The following TENM2 variants were observed in gnomAD, a reference collection of about 807,000 sequenced individuals.
TENM2 encodes the protein teneurin-2.
TENM2 carries 52 observed loss-of-function variants against 245.2 expected under a neutral mutation model. That is an observed-to-expected ratio of 0.21 (90% confidence interval 0.17 to 0.27). The LOEUF (loss-of-function observed/expected upper bound fraction) is 0.27. TENM2 is among the 10% of genes least tolerant of loss of function. TENM2 has a pLI of 1.00. For synonymous variants in TENM2, 1,363 were observed against 1,438.9 expected (o/e 0.95, Z 1.19); for missense variants, 3,046 against 3,666.8 (o/e 0.83, Z 4.37).
chr5:167,956,143 G>A (rs952615398), intron 4 of TENM2, among the ~76,000 whole-genome samples: 17 of 151,798 alleles, frequency 1.1e-4, no homozygotes, highest in African/African-American at 3.4e-4. Context: ...CTCTCATTTC[G>A]TTGAGCAGTG....
chr5:167,232,663 G>A, the TENM2 span, among the ~76,000 whole-genome samples: 4,472 of 152,246 alleles, frequency 0.029, 90 homozygotes, highest in Non-Finnish European at 0.049. Context: ...GAGCCACCAC[G>A]CCCAGCCTAA....
intron 5 of TENM2, among the ~76,000 whole-genome samples, chr5:168,034,137 ATACATATATATGTGTATATATATATG>A (rs1158173823): frequency 2.9e-4 from 29 of 101,072 alleles, no homozygotes; most frequent in African/African-American, 9.7e-4. Context: ...ATATATATGT[ATACATATATATGTGTATATATATATG>A]TATATATATA....
At chr5:168,003,461 ATAGAG>A (rs1784571424) in intron 5 of TENM2, among the ~76,000 whole-genome samples, 1 of 152,190 alleles carries the variant, frequency 6.6e-6, no homozygotes, top group African/African-American at 2.4e-5. Context: ...GATGCTGAGA[ATAGAG>A]TAATTAGAAG....
chr5:167,175,291 C>T, the TENM2 span, among the ~76,000 whole-genome samples: 2 of 152,204 alleles, frequency 1.3e-5, no homozygotes, highest in Non-Finnish European at 2.9e-5. Flanking sequence ...GTTAACAGCA[C>T]AGATGTTATA....
chr5:167,088,742 C>T, the TENM2 span, among the ~76,000 whole-genome samples: 8 of 152,034 alleles, frequency 5.3e-5, no homozygotes, highest in Non-Finnish European at 8.8e-5. Flanking sequence ...TAACTACTGC[C>T]GTTTATTTAG....
chr5:167,723,820 G>A (rs1759804549), intron 2 of TENM2, among the ~76,000 whole-genome samples: 1 of 152,122 alleles, frequency 6.6e-6, no homozygotes, highest in African/African-American at 2.4e-5. Flanking sequence ...ATGAATGAAC[G>A]AAAGCAGGCA....
intron 2 of TENM2, among the ~76,000 whole-genome samples, chr5:167,830,700 C>G (rs532591036): frequency 6.6e-6 from 1 of 152,236 alleles, no homozygotes; most frequent in African/African-American, 2.4e-5. Context: ...CCTAGAGAAG[C>G]AGTTAAGAAA....
intron 2 of TENM2, among the ~76,000 whole-genome samples, chr5:167,538,298 G>A (rs1771980907): frequency 6.6e-6 from 1 of 152,218 alleles, no homozygotes; most frequent in Non-Finnish European, 1.5e-5. Flanking sequence ...ATGAGGTTCA[G>A]AATTCAGCTG....
At chr5:167,687,988 A>G (rs1156859025) in intron 2 of TENM2, among the ~76,000 whole-genome samples, 2 of 152,204 alleles carry the variant, frequency 1.3e-5, no homozygotes, top group African/African-American at 4.8e-5. Flanking sequence ...AGCGGTATTT[A>G]TTAACAGTTA....
chr5:167,909,246 G>A (rs187878535), intron 3 of TENM2, among the ~76,000 whole-genome samples: 1 of 152,216 alleles, frequency 6.6e-6, no homozygotes, highest in Admixed American at 6.5e-5. Flanking sequence ...CGAGTTTACA[G>A]TTGGACTTTT....
rs748518719 is a variant in TENM2 at position 168,247,928 on chromosome 5, C to T, written c.6989C>T (p.Thr2330Met). 2.2e-5 allele frequency: 35 copies of T among 1,613,824 alleles called. No homozygotes were observed. Among genetic ancestry groups the T allele is most frequent in the African/African-American group, 1.5e-4 (11 of 74,888 alleles). ...TTCTACTCTGACCTCCACAACCCGA[C>T]GCGCATCACCCATGTCTACAATCAC... is the stretch of plus-strand genomic sequence containing the variant. The change falls in exon 27 of 29, where the codon ACG (threonine) becomes ATG (methionine). Residue 2330 changes from threonine (T) to methionine (M), a missense_variant. Thr to Met is a moderately conservative substitution (Grantham distance 81). This residue lies in a region of TENM2 where 2,704 missense variants were observed against 3,331.9 expected (regional missense o/e 0.81). Transcript: ENST00000518659. The surrounding 1 kb of genome is among the most constrained non-coding windows in gnomAD (Gnocchi z 7.8).
At chr5:167,881,594 T>C (rs925951779) in intron 3 of TENM2, among the ~76,000 whole-genome samples, 3 of 152,220 alleles carry the variant, frequency 2.0e-5, no homozygotes, top group African/African-American at 7.2e-5. Context: ...GTACCGCACA[T>C]AAGCCACTTT....
intron 2 of TENM2, among the ~76,000 whole-genome samples, chr5:167,873,447 G>A (rs1448656947): frequency 6.6e-6 from 1 of 152,108 alleles, no homozygotes; most frequent in Non-Finnish European, 1.5e-5. Flanking sequence ...ACCCAAGTTT[G>A]AATCCTGGCC....
At chr5:167,650,064 AGAACTTC>A (rs1754350825) in intron 2 of TENM2, among the ~76,000 whole-genome samples, 1 of 152,228 alleles carries the variant, frequency 6.6e-6, no homozygotes, top group Non-Finnish European at 1.5e-5. Context: ...AAAGAGTTTT[AGAACTTC>A]CTGACCTTCT....
At chr5:167,920,763 T>G (rs1423598036) in intron 3 of TENM2, among the ~76,000 whole-genome samples, 2 of 152,142 alleles carry the variant, frequency 1.3e-5, no homozygotes, top group African/African-American at 4.8e-5. Flanking sequence ...CAGTTTTCTG[T>G]GTATTTAGTG....
chr5:167,028,639 G>A, the TENM2 span, among the ~76,000 whole-genome samples: 21 of 152,006 alleles, frequency 1.4e-4, no homozygotes, highest in Admixed American at 3.3e-4. Flanking sequence ...TACAGCATAT[G>A]TAAATGATAT....
intron 12 of TENM2, among the ~76,000 whole-genome samples, chr5:168,158,922 C>CGT: frequency 7.1e-6 from 1 of 140,264 alleles, no homozygotes; most frequent in South Asian, 2.2e-4. Flanking sequence ...TATATATACA[C>CGT]ATATATATGT....
the TENM2 span, among the ~76,000 whole-genome samples, chr5:167,219,272 C>T: frequency 2.0e-5 from 3 of 151,946 alleles, no homozygotes; most frequent in Non-Finnish European, 4.4e-5. Flanking sequence ...TGTGCTCCAG[C>T]TTGAATGATA....
chr5:167,592,371 A>G (rs2127709146), intron 2 of TENM2, among the ~76,000 whole-genome samples: 1 of 152,278 alleles, frequency 6.6e-6, no homozygotes, highest in South Asian at 2.1e-4. Flanking sequence ...CGGTGTGGAA[A>G]TGTTGGTAAA....
Sources: gnomAD v4.1 joint callset for allele counts (sites outside exome capture counted in the v4.1 genomes callset) on GRCh38, gnomAD v4.1.1 for gene constraint, gnomAD v4.1.1 regional missense constraint, Gnocchi (gnomAD v3.1) non-coding constraint, MANE v1.5 for transcripts, NCBI Gene and HGNC (gene_info 2026-07-23, HGNC 2026-07-21) for gene names.